The following EFNB2 variants were observed in gnomAD, a reference collection of about 807,000 sequenced individuals.
EFNB2 encodes ephrin B2.
In EFNB2, 5 loss-of-function variants were observed where a neutral mutation model predicts 32.1. The observed-to-expected ratio is 0.16, with a 90% confidence interval of 0.08 to 0.33. The LOEUF (loss-of-function observed/expected upper bound fraction) is 0.33, where lower values mean the gene tolerates loss of function less well. Among genes scored for constraint, EFNB2 ranks in the 10% least tolerant of loss-of-function variants. EFNB2 has a pLI of 1.00. For missense variants in EFNB2, 263 were observed against 422.6 expected, an observed-to-expected ratio of 0.62 and a Z score of 3.31; for synonymous variants, 168 against 166.5, an observed-to-expected ratio of 1.01 and a Z score of -0.07.
At chr13:106,506,208 TC>T (rs934608169) in intron 2 of EFNB2, 10 of 152,358 alleles carry the variant, frequency 6.6e-5, no homozygotes, top group African/African-American at 2.2e-4. Context: ...TGATCTACTT[TC>T]CCAGCTAGCC....
At chr13:106,501,632 A>T (rs1167763212) in intron 2 of EFNB2, among the ~76,000 whole-genome samples, 1 of 150,650 alleles carries the variant, frequency 6.6e-6, no homozygotes, top group Non-Finnish European at 1.5e-5. Context: ...TCGCTCTGTC[A>T]CCCAGGCTGG....
intron 2 of EFNB2, among the ~76,000 whole-genome samples, chr13:106,499,546 T>C (rs1313429432): frequency 6.6e-6 from 1 of 152,134 alleles, no homozygotes; most frequent in Non-Finnish European, 1.5e-5. Context: ...AAATTGTTAG[T>C]TCATTATACT....
chr13:106,518,808 A>C lies in EFNB2; in HGVS notation c.123-5996T>G, dbSNP rs1451429714. On this transcript the variant is annotated intron_variant, in intron 1 of 4. Transcript: ENST00000646441. The surrounding 1 kb of genome is among the most constrained non-coding windows in gnomAD (Gnocchi z 4.1). ...TCCCTGCTTCTTTCTTCCTCTGACCATACTACACGCACCTTAGCACAAACA... is the reference window on the plus strand; with the variant it reads ...TCCCTGCTTCTTTCTTCCTCTGACCCTACTACACGCACCTTAGCACAAACA... The C allele has an allele frequency of 6.6e-6, 1 of 152,196 alleles. No homozygotes were observed. Among genetic ancestry groups the C allele is most frequent in the Non-Finnish European group, 1.5e-5 (1 of 68,084 alleles). The allele number at this position is 152,196 out of a possible 1,614,324, so 9.4% of individuals were successfully genotyped here.
chr13:106,493,394 C>G lies in EFNB2; in HGVS notation c.648G>C (p.Ser216=), dbSNP rs368576231. The part of the protein sequence containing the change: ...SSTDGNSAGH[S]GNNILGSEVA... Reference sequence around the variant, plus strand: ...CTTCGGAACCGAGGATGTTGTTCCCCGAATGTCCGGCGCTGTTGCCGTCTG... The same window carrying G: ...CTTCGGAACCGAGGATGTTGTTCCCGGAATGTCCGGCGCTGTTGCCGTCTG... Residue 216 remains serine (S), a synonymous_variant, in exon 5 of 5, where the codon TCG becomes TCC. Coordinates refer to ENST00000646441, the MANE Select transcript of EFNB2 (RefSeq NM_004093.4). This position sits in a 1 kb window ranked among gnomAD's most constrained non-coding sequence, Gnocchi z 6.1. 3.7e-6 allele frequency: 6 copies of G among 1,613,512 alleles called. No individual in the cohort carries two copies. In the African/African-American group the frequency reaches 8.0e-5, roughly 22 times the overall value.
At chr13:106,513,622 C>T (rs1316455538) in intron 1 of EFNB2, among the ~76,000 whole-genome samples, 3 of 152,164 alleles carry the variant, frequency 2.0e-5, no homozygotes, top group African/African-American at 7.2e-5. Context: ...CCTCCCTCCT[C>T]CCTTTCCTCT....
chr13:106,499,586 T>G (rs1878704679), intron 2 of EFNB2, among the ~76,000 whole-genome samples: 1 of 152,202 alleles, frequency 6.6e-6, no homozygotes, highest in African/African-American at 2.4e-5. Context: ...TCTATCAGCG[T>G]GATCTAATGC....
At chr13:106,500,203 A>G (rs1263814486) in intron 2 of EFNB2, among the ~76,000 whole-genome samples, 2 of 152,180 alleles carry the variant, frequency 1.3e-5, no homozygotes, top group African/African-American at 4.8e-5. Flanking sequence ...TCTGATGTTC[A>G]CCGCTCTGCT....
At chr13:106,517,876 A>G (rs1879363624) in intron 1 of EFNB2, 1 of 152,230 alleles carries the variant, frequency 6.6e-6, no homozygotes, top group Admixed American at 6.5e-5. Flanking sequence ...ATTGAACTTA[A>G]GCCAAGCTTT....
At chr13:106,514,917 C>G (rs936158954) in intron 1 of EFNB2, among the ~76,000 whole-genome samples, 1 of 152,164 alleles carries the variant, frequency 6.6e-6, no homozygotes, top group African/African-American at 2.4e-5. Context: ...CATTACACCC[C>G]CTCCCAAGCT....
chr13:106,522,386 G>A (rs1879552450), intron 1 of EFNB2, among the ~76,000 whole-genome samples: 1 of 152,184 alleles, frequency 6.6e-6, no homozygotes, highest in Admixed American at 6.5e-5. Flanking sequence ...TTATTTATAG[G>A]TGAGGCACCA....
intron 2 of EFNB2, among the ~76,000 whole-genome samples, chr13:106,511,025 AT>A (rs1452977088): frequency 6.6e-6 from 1 of 152,182 alleles, no homozygotes; most frequent in Non-Finnish European, 1.5e-5. Flanking sequence ...AAATAAAAAA[AT>A]AAAGTCTTTA....
In EFNB2 at chr13:106,492,939, G is replaced by T; in HGVS notation, c.*101C>A. ...GAGTGTCCCTCTCCCCCGGTGCTGT[G>T]CTTCAGTCAATTCTCCAGCACGCGG... On this transcript the variant is annotated 3_prime_UTR_variant, in exon 5 of 5. Coordinates refer to ENST00000646441, the MANE Select transcript of EFNB2 (RefSeq NM_004093.4). The surrounding 1 kb of genome is among the most constrained non-coding windows in gnomAD (Gnocchi z 5.1). 1 of 1,454,336 alleles carries T rather than the reference G, an allele frequency of 6.9e-7. No individual in the cohort carries two copies. Among genetic ancestry groups the T allele is most frequent in the Non-Finnish European group, 9.2e-7 (1 of 1,082,896 alleles). The allele number at this position is 1,454,336 out of a possible 1,614,324, so 90.1% of individuals were successfully genotyped here.
intron 1 of EFNB2, among the ~76,000 whole-genome samples, chr13:106,522,639 T>C (rs573976408): frequency 4.6e-5 from 7 of 152,174 alleles, no homozygotes; most frequent in Non-Finnish European, 8.8e-5. Flanking sequence ...GGAGAGCATA[T>C]CTTTTGTTTT....
intron 1 of EFNB2, among the ~76,000 whole-genome samples, chr13:106,514,106 G>C (rs1879236183): frequency 6.6e-6 from 1 of 152,082 alleles, no homozygotes; most frequent in Admixed American, 6.6e-5. Context: ...AATGTATGTG[G>C]CTGTTACCTC....
chr13:106,512,076 A>G (rs1431997133), intron 2 of EFNB2, among the ~76,000 whole-genome samples: 1 of 152,084 alleles, frequency 6.6e-6, no homozygotes, highest in African/African-American at 2.4e-5. Context: ...AAAACATGCT[A>G]TTTTACCACC....
intron 1 of EFNB2, chr13:106,517,787 T>C (rs928139428): frequency 6.6e-6 from 1 of 152,170 alleles, no homozygotes; most frequent in Non-Finnish European, 1.5e-5. Flanking sequence ...CTGGAAACAC[T>C]CAAGTAGGGC....
rs149485810 is a variant in EFNB2 at position 106,522,055 on chromosome 13, CA to C, written c.123-9244del. ...TGCAGGTCTTTATTTACCAAAAAAA[CA>C]AAAAAAAAACCACACACGCACCCCA... On this transcript the variant is annotated intron_variant, in intron 1 of 4. Coordinates refer to ENST00000646441, the MANE Select transcript of EFNB2 (RefSeq NM_004093.4). Among the ~76,000 whole-genome samples the C allele has an allele frequency of 8.0e-4, 116 of 145,302 alleles. No homozygotes were observed. In the South Asian group the frequency reaches 9.5e-3, roughly 12 times the overall value.
intron 2 of EFNB2, among the ~76,000 whole-genome samples, chr13:106,507,739 GA>G (rs1879002928): frequency 6.6e-6 from 1 of 152,240 alleles, no homozygotes; most frequent in Non-Finnish European, 1.5e-5. Flanking sequence ...CCAAGGCATG[GA>G]GAGTGAGGGA....
At chr13:106,531,626 T>G (rs1879874579) in intron 1 of EFNB2, among the ~76,000 whole-genome samples, 1 of 152,244 alleles carries the variant, frequency 6.6e-6, no homozygotes, top group Non-Finnish European at 1.5e-5. Flanking sequence ...CATTGTAGTT[T>G]ATTTTATCAA....
Sources: allele counts gnomAD v4.1 joint callset (sites outside exome capture counted in the v4.1 genomes callset), GRCh38; gene constraint gnomAD v4.1.1; non-coding constraint Gnocchi (gnomAD v3.1); transcripts MANE v1.5; gene names NCBI Gene and HGNC (gene_info 2026-07-23, HGNC 2026-07-21).